FHIT: variants seen among roughly 807,000 people sequenced by gnomAD.
FHIT encodes the protein fragile histidine triad diadenosine triphosphatase.
A neutral mutation model predicts 17.9 loss-of-function variants in FHIT; 19 were observed. That is an observed-to-expected ratio of 1.06 (90% CI 0.74 to 1.56). The LOEUF (loss-of-function observed/expected upper bound fraction) is 1.56, where lower values mean the gene tolerates loss of function less well. Among genes scored for constraint, FHIT ranks in the 40% most tolerant of loss-of-function variants. The probability of loss-of-function intolerance (pLI) is 0.00; values close to 1 mark genes in which losing one functional copy is unlikely to be tolerated. For synonymous variants in FHIT, 81 were observed against 69.7 expected, an observed-to-expected ratio of 1.16 and a Z score of -0.81; for missense variants, 248 against 189.2, an observed-to-expected ratio of 1.31 and a Z score of -1.82.
At chr3:60,698,478 C>T (rs1303411887) in intron 4 of FHIT, among the ~76,000 whole-genome samples, 2 of 152,070 alleles carry the variant, frequency 1.3e-5, no homozygotes, top group African/African-American at 4.8e-5. Context: ...AAATTGCAAA[C>T]CTCACCCCCA....
chr3:60,515,402 A>G (rs542532047), intron 5 of FHIT, among the ~76,000 whole-genome samples: 148 of 152,168 alleles, frequency 9.7e-4, no homozygotes, highest in Non-Finnish European at 1.9e-3. Flanking sequence ...TTCGTCCAGG[A>G]AGGAGGAATG....
intron 4 of FHIT, among the ~76,000 whole-genome samples, chr3:60,723,111 G>T (rs1262896473): frequency 6.6e-6 from 1 of 152,164 alleles, no homozygotes; most frequent in Non-Finnish European, 1.5e-5. Context: ...TCAGAGATGA[G>T]CATGGATTGT....
intron 5 of FHIT, among the ~76,000 whole-genome samples, chr3:60,036,974 T>C (rs1163931537): frequency 6.6e-6 from 1 of 152,188 alleles, no homozygotes; most frequent in East Asian, 1.9e-4. Flanking sequence ...AAATTGCCTC[T>C]AGTGAAAGGA....
At chr3:60,161,729 A>G (rs1046765571) in intron 5 of FHIT, among the ~76,000 whole-genome samples, 4 of 152,140 alleles carry the variant, frequency 2.6e-5, no homozygotes, top group Non-Finnish European at 5.9e-5. Context: ...ATAAACAAGC[A>G]GGTGTGTGCC....
chr3:60,531,861 C>T (rs1223149647), intron 5 of FHIT, among the ~76,000 whole-genome samples: 3 of 152,110 alleles, frequency 2.0e-5, no homozygotes, highest in East Asian at 1.9e-4. Flanking sequence ...GTTAATATTC[C>T]GTATTAAAAG....
intron 5 of FHIT, among the ~76,000 whole-genome samples, chr3:60,447,041 C>G (rs2031386973): frequency 6.6e-6 from 1 of 151,938 alleles, no homozygotes. Flanking sequence ...AATTATGTTG[C>G]CCACAAGGTA....
intron 5 of FHIT, among the ~76,000 whole-genome samples, chr3:60,530,076 C>T (rs895380541): frequency 1.3e-5 from 2 of 152,112 alleles, no homozygotes; most frequent in African/African-American, 2.4e-5. Flanking sequence ...GCCAGCCCAC[C>T]CCATCCCATG....
chr3:61,122,750 A>C (rs1478523623), intron 2 of FHIT, among the ~76,000 whole-genome samples: 1 of 152,372 alleles, frequency 6.6e-6, no homozygotes, highest in South Asian at 2.1e-4. Context: ...CATATGAAAA[A>C]AAACCTCATC....
intron 2 of FHIT, among the ~76,000 whole-genome samples, chr3:61,091,784 C>T (rs1423307236): frequency 5.9e-5 from 9 of 151,412 alleles, no homozygotes; most frequent in African/African-American, 2.2e-4. Flanking sequence ...CCAGTCTCTA[C>T]AAAAATTTAG....
At chr3:60,452,348 C>T (rs1025030189) in intron 5 of FHIT, among the ~76,000 whole-genome samples, 3 of 152,078 alleles carry the variant, frequency 2.0e-5, no homozygotes, top group Non-Finnish European at 2.9e-5. Flanking sequence ...TAAAGTGGCC[C>T]CATTTGACAG....
At chr3:60,618,335 A>G (rs192300936) in intron 4 of FHIT, among the ~76,000 whole-genome samples, 1 of 152,286 alleles carries the variant, frequency 6.6e-6, no homozygotes, top group East Asian at 1.9e-4. Flanking sequence ...GTGCTGCTGT[A>G]GAGATGGTAG....
At chr3:61,070,142 A>G (rs1236166306) in intron 2 of FHIT, among the ~76,000 whole-genome samples, 1 of 151,874 alleles carries the variant, frequency 6.6e-6, no homozygotes. Context: ...GATCCACTCA[A>G]CTCGGCTTCC....
rs553256466 is a variant in FHIT at position 60,575,036 on chromosome 3, A to G, written c.-17-38057T>C. ...TAGAGATGATAGGCAAAAGTGGAGTAAAGAATAAAGGAAGAATAAACATTT... is the reference window on the plus strand; with the variant it reads ...TAGAGATGATAGGCAAAAGTGGAGTGAAGAATAAAGGAAGAATAAACATTT... On this transcript the variant is annotated intron_variant, in intron 4 of 9. Transcript: ENST00000492590. Among the ~76,000 whole-genome samples, 132 of 152,304 alleles carry G rather than the reference A, an allele frequency of 8.7e-4. 1 individual carries two copies. The South Asian group carries it at 0.015, about 17-fold the overall frequency.
At chr3:60,587,090 A>G (rs1386405646) in intron 4 of FHIT, among the ~76,000 whole-genome samples, 1 of 151,938 alleles carries the variant, frequency 6.6e-6, no homozygotes, top group African/African-American at 2.4e-5. Context: ...AAAAGTAATC[A>G]TGGAACCAAC....
intron 3 of FHIT, among the ~76,000 whole-genome samples, chr3:60,913,853 C>T (rs1196659895): frequency 1.3e-5 from 2 of 152,150 alleles, no homozygotes; most frequent in Non-Finnish European, 2.9e-5. Context: ...ATGGAGTGGT[C>T]TCTCTCCTGC....
At chr3:60,563,109 G>A (rs2037011322) in intron 4 of FHIT, among the ~76,000 whole-genome samples, 1 of 152,194 alleles carries the variant, frequency 6.6e-6, no homozygotes. Context: ...GGGTGCTGCA[G>A]AGAGAGTGGA....
In FHIT at chr3:60,176,757, C is replaced by G. The variant is rs556466260; in HGVS notation, c.104-162605G>C. Among the ~76,000 whole-genome samples, 49 of 152,038 alleles carry G rather than the reference C, an allele frequency of 3.2e-4. 1 individual carries two copies. The highest frequency in any genetic ancestry group is 4.1e-4 in the South Asian group (2 of 4,826). Reference sequence around the variant, plus strand: ...CAAATGTTACCAGAGAGATTTAGCACGAGGAGGAAGCTGGTTTAATGAAAA... The same window carrying G: ...CAAATGTTACCAGAGAGATTTAGCAGGAGGAGGAAGCTGGTTTAATGAAAA... On this transcript the variant is annotated intron_variant, in intron 5 of 9. Coordinates refer to ENST00000492590, the MANE Select transcript of FHIT (RefSeq NM_002012.4).
intron 4 of FHIT, among the ~76,000 whole-genome samples, chr3:60,569,678 C>G (rs1015137405): frequency 6.9e-6 from 1 of 145,868 alleles, no homozygotes; most frequent in Non-Finnish European, 1.5e-5. Context: ...AATGGCAGTA[C>G]TTCCCAAATT....
At chr3:60,237,494 C>A in intron 5 of FHIT, among the ~76,000 whole-genome samples, 1 of 152,144 alleles carries the variant, frequency 6.6e-6, no homozygotes, top group East Asian at 1.9e-4. Flanking sequence ...TATCAGAAGA[C>A]AGGGACCTTG....
Sources: allele counts gnomAD v4.1 joint callset (sites outside exome capture counted in the v4.1 genomes callset), GRCh38; gene constraint gnomAD v4.1.1; transcripts MANE v1.5; gene names NCBI Gene and HGNC (gene_info 2026-07-23, HGNC 2026-07-21).